The following ENTPD8 variants were observed in gnomAD, a reference collection of about 807,000 sequenced individuals.
The protein encoded by ENTPD8 is ectonucleoside triphosphate diphosphohydrolase 8.
ENTPD8 carries 35 observed loss-of-function variants against 47.0 expected under a neutral mutation model. The observed-to-expected ratio is 0.75, with a 90% CI of 0.57 to 0.99. The LOEUF is 0.99. Among genes scored for constraint, ENTPD8 ranks in the 50% least tolerant of loss-of-function variants. ENTPD8 has a pLI of 0.00. For missense variants in ENTPD8, 668 were observed against 649.9 expected (o/e 1.03, Z -0.30); for synonymous variants, 308 against 290.5 (o/e 1.06, Z -0.61).
At chr9:137,437,764 A>G (rs1324795010) in intron 3 of ENTPD8, among the ~76,000 whole-genome samples, 2 of 152,198 alleles carry the variant, frequency 1.3e-5, no homozygotes, top group East Asian at 3.9e-4. Context: ...CCAGGCCATG[A>G]GAATCTGACT....
At position 137,438,474 on chromosome 9, in the gene ENTPD8, C is replaced by T. The variant is rs1024438248; in HGVS notation, c.-20-169G>A. Among the ~76,000 whole-genome samples the T allele has an allele frequency of 2.0e-5, 3 of 151,990 alleles. No individual in the cohort carries two copies. Among genetic ancestry groups the T allele is most frequent in the African/African-American group, 4.8e-5 (2 of 41,344 alleles). On this transcript the variant is annotated intron_variant, in intron 1 of 9. Transcript: ENST00000371506. The surrounding 1 kb of genome is among the most constrained non-coding windows in gnomAD (Gnocchi z 5.7). Reference sequence around the variant, plus strand: ...CCTCCCGTGGCCATAGAGGCATCCCCGGGGCTCAGACGGTCTCCCGTGGCC... The same window carrying T: ...CCTCCCGTGGCCATAGAGGCATCCCTGGGGCTCAGACGGTCTCCCGTGGCC...
Position 137,436,141 on chromosome 9 carries a change from C to T in ENTPD8, c.922G>A (p.Glu308Lys), listed in dbSNP as rs556851035. The change falls in exon 7 of 10, where the codon GAA (glutamate) becomes AAA (lysine). Residue 308 changes from glutamate to lysine, a missense_variant. Coordinates refer to ENST00000371506, the MANE Select transcript of ENTPD8 (RefSeq NM_001033113.2). ...CAGGCTCCAGGGTTGCCTGTCCCTT[C>T]AACTGTGAGGTTCTGGGGGAGGCTC... ...PLSLPQNLTV[E>K]GTGNPGACVS... 6.8e-6 allele frequency: 11 copies of T among 1,613,012 alleles called. No homozygotes were observed. The South Asian group carries it at 1.2e-4, about 18-fold the overall frequency.
Position 137,434,769 on chromosome 9 carries a change from C to T in ENTPD8, c.*145G>A, listed in dbSNP as rs986701212. ...ATGCAGCCTCTGTGGCCAGCACCACCCTGACGGTGCCCTGGAGGTGGCTGT... is the reference window on the plus strand; with the variant it reads ...ATGCAGCCTCTGTGGCCAGCACCACTCTGACGGTGCCCTGGAGGTGGCTGT... On this transcript the variant is annotated 3_prime_UTR_variant, in exon 10 of 10. Transcript: ENST00000371506. The T allele has an allele frequency of 8.4e-6, 9 of 1,073,064 alleles. No individual in the cohort carries two copies. Among genetic ancestry groups the T allele is most frequent in the Non-Finnish European group, 1.2e-5 (9 of 770,690 alleles). The allele number at this position is 1,073,064 out of a possible 1,614,324, so 66.5% of individuals were successfully genotyped here.
At chr9:137,437,883 C>T (rs1839412598) in intron 3 of ENTPD8, 84 bp downstream of exon 3, 1 of 1,295,428 alleles carries the variant, frequency 7.7e-7, no homozygotes, top group African/African-American at 1.5e-5. Flanking sequence ...CTGAACCTCT[C>T]CAAACCCTTT....
rs746343980 is a variant in ENTPD8, at chr9:137,435,293, A to G, written c.1207T>C (p.Cys403Arg). ...GTGAGGATGTACAGGCCTGAGGCAC[A>G]GTAGTCCCGCAGCCAGCGGTCCTGC... ...PGQDRWLRDY[C>R]ASGLYILTLL... Residue 403 changes from cysteine to arginine, a missense_variant, in exon 9 of 10, where the codon TGT becomes CGT. By Grantham distance (180) the Cys-to-Arg change is radical. Transcript: ENST00000371506. The G allele has an allele frequency of 2.5e-6, 4 of 1,612,444 alleles. No homozygotes were observed. Among genetic ancestry groups the G allele is most frequent in the Non-Finnish European group, 8.5e-7 (1 of 1,179,864 alleles).
At position 137,435,202 on chromosome 9, in the gene ENTPD8, A is replaced by AC; in HGVS notation, c.1296+1dup. 6.2e-7 allele frequency: 1 copy of AC among 1,610,262 alleles called. No individual in the cohort carries two copies. The highest frequency in any genetic ancestry group is 8.5e-7 in the Non-Finnish European group (1 of 1,179,134). Reference sequence around the variant, plus strand: ...CCGCCCACGCCCAGGGGAGGCAGTCACCTGCTTTCGGAACTCGAGGCTGGG... The same window carrying AC: ...CCGCCCACGCCCAGGGGAGGCAGTCACCCTGCTTTCGGAACTCGAGGCTGGG... On this transcript the variant is annotated splice_donor_variant, in intron 9 of 9. Coordinates refer to ENST00000371506, the MANE Select transcript of ENTPD8 (RefSeq NM_001033113.2). LOFTEE classifies it high-confidence loss of function.
Position 137,434,799 on chromosome 9 carries a change from T to A in ENTPD8, c.*115A>T. 1 of 1,320,766 alleles carries A rather than the reference T, an allele frequency of 7.6e-7. No individual in the cohort carries two copies. Among genetic ancestry groups the A allele is most frequent in the Non-Finnish European group, 1.0e-6 (1 of 994,394 alleles). 81.8% of individuals were successfully genotyped at this position (1,320,766 alleles called of 1,614,324 possible). A position where few individuals can be genotyped will look rare whatever the true frequency, so the allele number is the denominator to read the frequency against. On this transcript the variant is annotated 3_prime_UTR_variant, in exon 10 of 10. Transcript: ENST00000371506. ...CGGTGCCCTGGAGGTGGCTGTCACC[T>A]GACCGTGGGCAGAGCCACAGAGCAA...
rs1384945619 is a variant in ENTPD8 at position 137,438,762 on chromosome 9, G to T, written c.-20-457C>A. Among the ~76,000 whole-genome samples the T allele has an allele frequency of 6.6e-6, 1 of 152,110 alleles. No individual in the cohort carries two copies. Among genetic ancestry groups the T allele is most frequent in the Non-Finnish European group, 1.5e-5 (1 of 67,976 alleles). ...GCATCAGAGGGCCCTGTGGGAGGGG[G>T]GCGGGGGGCAGCAGAGGCCTCGTCT... On this transcript the variant is annotated intron_variant, in intron 1 of 9. Coordinates refer to ENST00000371506, the MANE Select transcript of ENTPD8 (RefSeq NM_001033113.2). The surrounding 1 kb of genome is among the most constrained non-coding windows in gnomAD (Gnocchi z 5.7).
rs373768596 is a variant in ENTPD8, at chr9:137,436,059, C to T, written c.1004G>A (p.Cys335Tyr). The stretch of plus-strand genomic sequence containing the variant: ...GGGCTGGTAGACCCCGTCAAAGGCG[C>T]AGTCCTCCTGGCCCTGGCAGCTGGA... ...NFSSCQGQED[C>Y]AFDGVYQPPL... Residue 335 changes from cysteine to tyrosine, a missense_variant, in exon 7 of 10, where the codon TGC becomes TAC. Physicochemically the swap from Cys to Tyr is radical, Grantham distance 194. Coordinates refer to ENST00000371506, the MANE Select transcript of ENTPD8 (RefSeq NM_001033113.2). The T allele has an allele frequency of 3.7e-5, 60 of 1,612,846 alleles. No homozygotes were observed. The highest frequency in any genetic ancestry group is 8.3e-5 in the Admixed American group (5 of 60,012).
At position 137,435,390 on chromosome 9, in the gene ENTPD8, T is replaced by C. The variant is rs749872587; in HGVS notation, c.1162-52A>G. On this transcript the variant is annotated intron_variant, in intron 8 of 9. Transcript: ENST00000371506. ...GGTGAGGGCCCCTGATCCCCAGTCA[T>C]GCGGGGACCGCCCCATCTGTCCTGG... is the stretch of plus-strand genomic sequence containing the variant. 14 of 1,574,996 alleles carry C rather than the reference T, an allele frequency of 8.9e-6. No homozygotes were observed. In the Admixed American group the frequency reaches 1.8e-4, roughly 20 times the overall value.
intron 1 of ENTPD8, among the ~76,000 whole-genome samples, chr9:137,439,532 G>A (rs1464632817): frequency 6.6e-6 from 1 of 152,142 alleles, no homozygotes; most frequent in Non-Finnish European, 1.5e-5. Flanking sequence ...TGGAAAGTGG[G>A]ACACGCTGTG....
intron 8 of ENTPD8, 120 bp downstream of exon 8, chr9:137,435,599 C>A (rs933309213): frequency 4.2e-5 from 47 of 1,122,378 alleles, no homozygotes; most frequent in Non-Finnish European, 5.8e-5. Flanking sequence ...TGTCCTCTGC[C>A]CTTGCCTCCC....
At chr9:137,435,398 C>T (rs1839315281) in intron 8 of ENTPD8, 60 bp from the exon 9 acceptor site, 3 of 1,565,972 alleles carry the variant, frequency 1.9e-6, no homozygotes, top group African/African-American at 1.3e-5. Flanking sequence ...CATGCGGGGA[C>T]CGCCCCATCT....
chr9:137,435,263 G>A lies in ENTPD8; in HGVS notation c.1237C>T (p.Leu413=). Residue 413 remains leucine, a synonymous_variant, in exon 9 of 10, where the codon CTG becomes TTG. Coordinates refer to ENST00000371506, the MANE Select transcript of ENTPD8 (RefSeq NM_001033113.2). ...TCGCTGAACCCGTAGCCCTCGTGCAGGAGGGTGAGGATGTACAGGCCTGAG... is the reference window on the plus strand; with the variant it reads ...TCGCTGAACCCGTAGCCCTCGTGCAAGAGGGTGAGGATGTACAGGCCTGAG... ...CASGLYILTL[L]HEGYGFSEET... 6.2e-7 allele frequency: 1 copy of A among 1,612,548 alleles called. No individual in the cohort carries two copies. The highest frequency in any genetic ancestry group is 8.5e-7 in the Non-Finnish European group (1 of 1,179,900).
chr9:137,439,252 G>C (rs1167485236), intron 1 of ENTPD8, among the ~76,000 whole-genome samples: 1 of 152,148 alleles, frequency 6.6e-6, no homozygotes, highest in African/African-American at 2.4e-5. Context: ...TAGCCCTGTG[G>C]CCGAGGTGTC....
Position 137,434,792 on chromosome 9 carries a change from T to A in ENTPD8, c.*122A>T. ...ACCCTGACGGTGCCCTGGAGGTGGCTGTCACCTGACCGTGGGCAGAGCCAC... is the reference window on the plus strand; with the variant it reads ...ACCCTGACGGTGCCCTGGAGGTGGCAGTCACCTGACCGTGGGCAGAGCCAC... On this transcript the variant is annotated 3_prime_UTR_variant, in exon 10 of 10. Coordinates refer to ENST00000371506, the MANE Select transcript of ENTPD8 (RefSeq NM_001033113.2). 7.9e-7 allele frequency: 1 copy of A among 1,259,154 alleles called. No homozygotes were observed. Among genetic ancestry groups the A allele is most frequent in the Non-Finnish European group, 1.1e-6 (1 of 939,394 alleles). 78.0% of individuals were successfully genotyped at this position (1,259,154 alleles called of 1,614,324 possible). A position where few individuals can be genotyped will look rare whatever the true frequency, so the allele number is the denominator to read the frequency against.
intron 8 of ENTPD8, 41 bp downstream of exon 8, chr9:137,435,678 A>T: frequency 6.4e-7 from 1 of 1,559,612 alleles, no homozygotes; most frequent in Non-Finnish European, 8.8e-7. Flanking sequence ...CTGTACCCTC[A>T]GGGACCCTCG....
intron 6 of ENTPD8, 115 bp downstream of exon 6, chr9:137,436,406 G>T: frequency 1.3e-5 from 17 of 1,333,080 alleles, no homozygotes; most frequent in Non-Finnish European, 1.7e-5. Context: ...GATGACCCAC[G>T]CCAGCCCCGC....
chr9:137,435,612 G>A (rs936868808), intron 8 of ENTPD8, 107 bp downstream of exon 8: 17 of 1,200,204 alleles, frequency 1.4e-5, no homozygotes, highest in African/African-American at 3.0e-5. Context: ...TGCCTCCCCC[G>A]GCCCTGCTGG....
Sources: gnomAD v4.1 joint callset for allele counts (sites outside exome capture counted in the v4.1 genomes callset) on GRCh38, gnomAD v4.1.1 for gene constraint, Gnocchi (gnomAD v3.1) non-coding constraint, MANE v1.5 for transcripts, NCBI Gene and HGNC (gene_info 2026-07-23, HGNC 2026-07-21) for gene names.